SOX6: variants seen among roughly 807,000 people sequenced by gnomAD.
The protein encoded by SOX6 is SRY-box transcription factor 6.
A neutral mutation model predicts 97.8 loss-of-function variants in SOX6; 11 were observed. The observed-to-expected ratio is 0.11, with a 90% CI of 0.07 to 0.19. The LOEUF is 0.19. Among genes scored for constraint, SOX6 ranks in the 10% least tolerant of loss-of-function variants. The pLI is 1.00. For synonymous variants in SOX6, 360 were observed against 371.4 expected, an observed-to-expected ratio of 0.97 and a Z score of 0.35; for missense variants, 810 against 1,039.5, an observed-to-expected ratio of 0.78 and a Z score of 3.04.
chr11:16,305,577 A>G (rs1364078040), intron 3 of SOX6, among the ~76,000 whole-genome samples: 2 of 152,226 alleles, frequency 1.3e-5, no homozygotes, highest in African/African-American at 4.8e-5. Flanking sequence ...ATGAAAATTT[A>G]TGTTACAAAA....
intron 3 of SOX6, among the ~76,000 whole-genome samples, chr11:16,661,646 C>T (rs972328626): frequency 1.4e-4 from 22 of 152,180 alleles, no homozygotes; most frequent in Non-Finnish European, 7.4e-5. Flanking sequence ...CTCCTAGACT[C>T]AAGCAATCCT....
Position 16,132,417 on chromosome 11 carries a change from GAAAGAAAGAAAGAAAGAAAGAAAGA to G in SOX6, c.778-20519_778-20495del, listed in dbSNP as rs1564972462. On this transcript the variant is annotated intron_variant, in intron 6 of 15. Transcript: ENST00000683767. ...AAGAAAGAAAAAAGAAAGAAAGAAA[GAAAGAAAGAAAGAAAGAAAGAAAGA>G]AAAAAGAAAGAAAGAAAGAAAGAAA... 1.3e-4 allele frequency among the ~76,000 whole-genome samples: 12 copies of G among 95,992 alleles called. 2 individuals carry two copies. The highest frequency in any genetic ancestry group is 5.9e-4 in the African/African-American group (12 of 20,200). The allele number at this position is 95,992 out of a possible 152,430, so 63.0% of individuals were successfully genotyped here.
intron 3 of SOX6, among the ~76,000 whole-genome samples, chr11:16,261,401 T>C (rs1853891143): frequency 6.6e-6 from 1 of 152,198 alleles, no homozygotes; most frequent in Admixed American, 6.5e-5. Context: ...CTGTAATTTT[T>C]TTCTGCCATA....
intron 5 of SOX6, among the ~76,000 whole-genome samples, chr11:16,184,711 T>C (rs1851426177): frequency 6.6e-6 from 1 of 152,152 alleles, no homozygotes; most frequent in Admixed American, 6.6e-5. Context: ...GATGACTGTC[T>C]CTGGCCCTCA....
rs186192135 is a variant in SOX6, at chr11:16,413,119, A to G, written c.-5+63196T>C. Among the ~76,000 whole-genome samples the G allele has an allele frequency of 5.1e-4, 78 of 152,356 alleles. No homozygotes were observed. The Middle Eastern group carries it at 0.024, about 47-fold the overall frequency. Reference sequence around the variant, plus strand: ...GAGGTAACTTCAGAGGAAAAATATAAAAACAATTGCAAACTTCATTTAATA... The same window carrying G: ...GAGGTAACTTCAGAGGAAAAATATAGAAACAATTGCAAACTTCATTTAATA... On this transcript the variant is annotated intron_variant, in intron 1 of 15. Coordinates refer to the SOX6 transcript ENST00000396356.
intron 11 of SOX6, among the ~76,000 whole-genome samples, chr11:16,048,995 T>C (rs1044335153): frequency 7.9e-5 from 12 of 152,170 alleles, no homozygotes; most frequent in African/African-American, 2.7e-4. Context: ...CATTTTAAAT[T>C]GAATGCCTTC....
chr11:16,466,697 G>T (rs1216072245), intron 1 of SOX6, among the ~76,000 whole-genome samples: 2 of 150,640 alleles, frequency 1.3e-5, no homozygotes, highest in Non-Finnish European at 3.0e-5. Context: ...TTGGGAGGCC[G>T]AGGCAGGCGG....
chr11:16,622,410 C>G (rs1848557641), intron 3 of SOX6, among the ~76,000 whole-genome samples: 2 of 151,990 alleles, frequency 1.3e-5, no homozygotes, highest in African/African-American at 4.8e-5. Flanking sequence ...AGTCTTTTAA[C>G]CCTCATCCCC....
At chr11:16,437,104 A>T (rs1283652731) in intron 1 of SOX6, among the ~76,000 whole-genome samples, 2 of 62,946 alleles carry the variant, frequency 3.2e-5, no homozygotes, top group African/African-American at 1.8e-4. Flanking sequence ...AAGAAATTAA[A>T]AAAAAAAAAA....
intron 2 of SOX6, among the ~76,000 whole-genome samples, chr11:16,735,326 C>G (rs11024028): frequency 0.13 from 19,445 of 152,192 alleles, 1,619 homozygotes; most frequent in Non-Finnish European, 0.19. Flanking sequence ...TGAATATATG[C>G]CCCATCCTGC....
At chr11:16,182,682 A>G (rs950708852) in intron 6 of SOX6, among the ~76,000 whole-genome samples, 2 of 151,912 alleles carry the variant, frequency 1.3e-5, no homozygotes, top group Non-Finnish European at 2.9e-5. Flanking sequence ...GAATACGACA[A>G]AAACCAACAA....
At chr11:16,281,813 C>T (rs17552977) in intron 3 of SOX6, among the ~76,000 whole-genome samples, 22,950 of 151,348 alleles carry the variant, frequency 0.15, 1,917 homozygotes, top group Middle Eastern at 0.19. Flanking sequence ...GATACACCAA[C>T]GCAAATTCAT....
At chr11:16,104,952 T>C (rs1849041536) in intron 7 of SOX6, among the ~76,000 whole-genome samples, 1 of 152,000 alleles carries the variant, frequency 6.6e-6, no homozygotes, top group South Asian at 2.1e-4. Context: ...CAACGGATTC[T>C]GCCAAATGTT....
intron 15 of SOX6, among the ~76,000 whole-genome samples, chr11:15,975,657 G>T (rs1244474668): frequency 6.6e-6 from 1 of 152,174 alleles, no homozygotes; most frequent in Non-Finnish European, 1.5e-5. Flanking sequence ...AAGCCTGAGA[G>T]GTAGGTATCA....
intron 3 of SOX6, among the ~76,000 whole-genome samples, chr11:16,301,787 GA>G (rs1180637158): frequency 6.6e-6 from 1 of 151,158 alleles, no homozygotes. Flanking sequence ...GAGTATCTAA[GA>G]AAAAAAAATT....
At chr11:16,724,222 T>G (rs538054047) in intron 2 of SOX6, among the ~76,000 whole-genome samples, 8 of 152,292 alleles carry the variant, frequency 5.3e-5, no homozygotes, top group African/African-American at 1.9e-4. Context: ...TCAATAAACA[T>G]GTATACCATA....
At chr11:16,507,830 T>G (rs958151375) in intron 4 of SOX6, among the ~76,000 whole-genome samples, 2 of 152,166 alleles carry the variant, frequency 1.3e-5, no homozygotes, top group African/African-American at 2.4e-5. Flanking sequence ...AGGCAAAGAT[T>G]TTATGGCTAA....
intron 4 of SOX6, among the ~76,000 whole-genome samples, chr11:16,491,048 A>C (rs1387017143): frequency 6.6e-6 from 1 of 152,204 alleles, no homozygotes; most frequent in Non-Finnish European, 1.5e-5. Flanking sequence ...ACAATTAGAC[A>C]AGAAAAATAC....
intron 7 of SOX6, among the ~76,000 whole-genome samples, chr11:16,101,271 C>G (rs543960318): frequency 6.6e-6 from 1 of 151,482 alleles, no homozygotes; most frequent in Non-Finnish European, 1.5e-5. Flanking sequence ...TGTCTTTATG[C>G]GAAACCACAC....
Sources: gnomAD v4.1 joint callset for allele counts (sites outside exome capture counted in the v4.1 genomes callset) on GRCh38, gnomAD v4.1.1 for gene constraint, MANE v1.5 for transcripts, NCBI Gene and HGNC (gene_info 2026-07-23, HGNC 2026-07-21) for gene names.